Variants in WASHC5 observed in about 807,000 individuals in gnomAD.
WASHC5 encodes the protein WASH complex subunit 5, also known as WASH complex subunit strumpellin.
WASHC5 carries 101 observed loss-of-function variants against 150.4 expected under a neutral mutation model. The observed-to-expected ratio is 0.67, with a 90% CI of 0.57 to 0.79. WASHC5 has a LOEUF of 0.79. Ranked by LOEUF, WASHC5 falls within the 30% of genes least tolerant of loss-of-function variation. The pLI is 0.00. For synonymous variants in WASHC5, 467 were observed against 491.2 expected, an observed-to-expected ratio of 0.95 and a Z score of 0.65; for missense variants, 1,195 against 1,396.3, an observed-to-expected ratio of 0.86 and a Z score of 2.30.
chr8:125,051,011 C>A (rs1415106365), intron 17 of WASHC5, among the ~76,000 whole-genome samples: 1 of 152,104 alleles, frequency 6.6e-6, no homozygotes, highest in Non-Finnish European at 1.5e-5. Context: ...TCATTAATGG[C>A]CCCTCTTTTT....
chr8:125,056,097 A>G (rs1816395969), intron 16 of WASHC5, among the ~76,000 whole-genome samples: 1 of 152,226 alleles, frequency 6.6e-6, no homozygotes, highest in South Asian at 2.1e-4. Flanking sequence ...GGAAATATCA[A>G]GCTTGATAAT....
In WASHC5 at chr8:125,050,968, C is replaced by T. The variant is rs10089455; in HGVS notation, c.2098-303G>A. On this transcript the variant is annotated intron_variant, in intron 17 of 28. Coordinates refer to ENST00000318410, the MANE Select transcript of WASHC5 (RefSeq NM_014846.4). ...TGGCCTCACATTCTAATTAATGGCC[C>T]CTCTTTTTGGAGTTTTAAATGGCCT... 0.11 allele frequency among the ~76,000 whole-genome samples: 16,610 copies of T among 152,036 alleles called. 2,119 individuals are homozygous for T. Among genetic ancestry groups the T allele is most frequent in the African/African-American group, 0.31 (12,695 of 41,416 alleles).
chr8:125,043,996 A>G lies in WASHC5; in HGVS notation c.2766T>C (p.Ile922=), dbSNP rs1815975739. The change falls in exon 22 of 29, where the codon ATT becomes ATC. Residue 922 remains isoleucine (I), a synonymous_variant. Coordinates refer to ENST00000318410, the MANE Select transcript of WASHC5 (RefSeq NM_014846.4). ...AGGTAGTTTCAGGACACTCACCGAC[A>G]ATACTTTTTAGGGGACTGACAGCAT... The part of the protein sequence containing the change: ...LMNAVSPLKS[I]VANSNKIYFS... 1 of 1,611,424 alleles carries G rather than the reference A, an allele frequency of 6.2e-7. No individual in the cohort carries two copies. Among genetic ancestry groups the G allele is most frequent in the African/African-American group, 1.3e-5 (1 of 74,864 alleles).
intron 15 of WASHC5, 31 bp from the exon 16 acceptor site, chr8:125,056,848 T>G (rs752760591): frequency 1.2e-6 from 2 of 1,613,974 alleles, no homozygotes; most frequent in Admixed American, 1.7e-5. Context: ...GGAAACGCAA[T>G]GAACATCTGT....
intron 26 of WASHC5, among the ~76,000 whole-genome samples, chr8:125,035,350 T>C (rs932741405): frequency 2.0e-5 from 3 of 152,082 alleles, no homozygotes; most frequent in African/African-American, 7.2e-5. Flanking sequence ...AAAAAAAAAT[T>C]AGAATGAGAA....
intron 9 of WASHC5, among the ~76,000 whole-genome samples, chr8:125,071,650 C>G (rs955765923): frequency 6.6e-6 from 1 of 152,202 alleles, no homozygotes; most frequent in Non-Finnish European, 1.5e-5. Flanking sequence ...ATGTTTCCCT[C>G]TCTACTCTGA....
chr8:125,034,509 A>G (rs886381226), intron 26 of WASHC5, among the ~76,000 whole-genome samples: 9 of 152,120 alleles, frequency 5.9e-5, no homozygotes, highest in Non-Finnish European at 1.0e-4. Context: ...TTTCAGAAAA[A>G]AAAAAAGAAT....
Position 125,024,458 on chromosome 8 carries a change from G to C in WASHC5, c.*159C>G. 2 of 679,502 alleles carry C rather than the reference G, an allele frequency of 2.9e-6. No individual in the cohort carries two copies. The highest frequency in any genetic ancestry group is 5.4e-6 in the Non-Finnish European group (2 of 369,406). The allele number at this position is 679,502 out of a possible 1,614,324, so 42.1% of individuals were successfully genotyped here. A position where few individuals can be genotyped will look rare whatever the true frequency, so the allele number is the denominator to read the frequency against. On this transcript the variant is annotated 3_prime_UTR_variant, in exon 29 of 29. Transcript: ENST00000318410. ...AACAATATCAGTTATATTAACTAAT[G>C]CCATGAGATATATCTTACTCAGAAC...
intron 5 of WASHC5, among the ~76,000 whole-genome samples, 180 bp from the exon 6 acceptor site, chr8:125,079,110 G>GTATATATATATATA (rs1451588894): frequency 1.0e-4 from 5 of 48,774 alleles, no homozygotes; most frequent in African/African-American, 3.7e-4. Context: ...ATATGTGTGT[G>GTATATATATATATA]TGTGTGTATA....
chr8:125,063,613 CCATTTGGTTTGCTTTTCTGAAAG>C lies in WASHC5; in HGVS notation c.1294_1316del (p.Leu432GlyfsTer13), dbSNP rs747479089. 6 of 1,613,862 alleles carry C rather than the reference CCATTTGGTTTGCTTTTCTGAAAG, an allele frequency of 3.7e-6. No individual in the cohort carries two copies. Among genetic ancestry groups the C allele is most frequent in the Non-Finnish European group, 5.1e-6 (6 of 1,179,812 alleles). Reference sequence around the variant, plus strand: ...CCGAACCCTCTTTCTTGTAATGCTCCCATTTGGTTTGCTTTTCTGAAAGCATTTGCTTGAACATCTGTTGAAGC... The same window carrying C: ...CCGAACCCTCTTTCTTGTAATGCTCCCATTTGCTTGAACATCTGTTGAAGC... On this transcript the variant is annotated frameshift_variant, in exon 11 of 29. Coordinates refer to ENST00000318410, the MANE Select transcript of WASHC5 (RefSeq NM_014846.4). LOFTEE classifies it high-confidence loss of function.
chr8:125,045,186 C>A (rs1360882737), intron 20 of WASHC5, among the ~76,000 whole-genome samples: 1 of 152,210 alleles, frequency 6.6e-6, no homozygotes, highest in Non-Finnish European at 1.5e-5. Context: ...CCTCCCAGTT[C>A]CTTAAACTTG....
intron 16 of WASHC5, 131 bp from the exon 17 acceptor site, chr8:125,055,802 G>A: frequency 1.4e-6 from 1 of 714,048 alleles, no homozygotes; most frequent in Non-Finnish European, 2.5e-6. Context: ...GAGGCTCTGT[G>A]GTACAACTGA....
chr8:125,050,125 T>C (rs1289133802), intron 18 of WASHC5, among the ~76,000 whole-genome samples: 1 of 152,110 alleles, frequency 6.6e-6, no homozygotes, highest in African/African-American at 2.4e-5. Flanking sequence ...AGATCCTAAA[T>C]AGAGATTTCA....
intron 17 of WASHC5, among the ~76,000 whole-genome samples, chr8:125,054,945 AT>A (rs34923893): frequency 2.1e-3 from 309 of 146,040 alleles, no homozygotes; most frequent in Admixed American, 4.2e-3. Flanking sequence ...AGGAAATTGA[AT>A]TTTTTTTTTT....
intron 28 of WASHC5, among the ~76,000 whole-genome samples, chr8:125,025,835 C>CAG (rs1815366003): frequency 6.8e-6 from 1 of 147,628 alleles, no homozygotes; most frequent in South Asian, 2.1e-4. Context: ...TGCAGACAGA[C>CAG]ACACACACAC....
chr8:125,086,976 G>C (rs1229568533), intron 1 of WASHC5, among the ~76,000 whole-genome samples: 5 of 152,172 alleles, frequency 3.3e-5, no homozygotes, highest in Non-Finnish European at 5.9e-5. Flanking sequence ...ACATATAAGG[G>C]ATGAGGCTAT....
intron 8 of WASHC5, 58 bp downstream of exon 8, chr8:125,074,940 T>G: frequency 1.0e-6 from 1 of 976,606 alleles, no homozygotes; most frequent in South Asian, 1.3e-5. Context: ...TTAGCTTATT[T>G]GCTACTTCAT....
intron 1 of WASHC5, among the ~76,000 whole-genome samples, chr8:125,084,306 T>C (rs116805653): frequency 2.2e-4 from 34 of 152,302 alleles, no homozygotes; most frequent in African/African-American, 7.9e-4. Context: ...CCACTGGGCA[T>C]GTGTGGTTCC....
At chr8:125,070,645 T>C (rs983657087) in intron 9 of WASHC5, among the ~76,000 whole-genome samples, 2 of 152,340 alleles carry the variant, frequency 1.3e-5, no homozygotes, top group Admixed American at 1.3e-4. Context: ...TGAGTCAATG[T>C]AGTAAAATCC....
Sources: gnomAD v4.1 joint callset for allele counts (sites outside exome capture counted in the v4.1 genomes callset) on GRCh38, gnomAD v4.1.1 for gene constraint, MANE v1.5 for transcripts, NCBI Gene and HGNC (gene_info 2026-07-23, HGNC 2026-07-21) for gene names.